DLG2: variants seen among roughly 807,000 people sequenced by gnomAD.
DLG2 encodes disks large homolog 2.
Under a neutral mutation model 132.5 loss-of-function variants are expected in DLG2, and 45 were observed. That is an observed-to-expected ratio of 0.34 (90% CI 0.27 to 0.44). The LOEUF (loss-of-function observed/expected upper bound fraction) is 0.44, where lower values mean the gene tolerates loss of function less well. DLG2 is among the 20% of genes least tolerant of loss of function. The probability of loss-of-function intolerance (pLI) is 1.00; values close to 1 mark genes in which losing one functional copy is unlikely to be tolerated. For missense variants in DLG2, 1,045 were observed against 1,196.9 expected, an observed-to-expected ratio of 0.87 and a Z score of 1.87; for synonymous variants, 424 against 419.6, an observed-to-expected ratio of 1.01 and a Z score of -0.13.
At chr11:84,220,975 T>C (rs1220261201) in intron 8 of DLG2, among the ~76,000 whole-genome samples, 2 of 148,914 alleles carry the variant, frequency 1.3e-5, no homozygotes, top group South Asian at 4.3e-4. Context: ...TTTTTTTACT[T>C]TTTTTTTTGG....
At chr11:83,758,176 T>C (rs1273460790) in intron 18 of DLG2, among the ~76,000 whole-genome samples, 1 of 152,214 alleles carries the variant, frequency 6.6e-6, no homozygotes, top group Non-Finnish European at 1.5e-5. Flanking sequence ...CCAACAACTC[T>C]GTGTGCCTCT....
intron 2 of DLG2, among the ~76,000 whole-genome samples, chr11:85,604,553 G>T (rs531673273): frequency 6.6e-6 from 1 of 151,968 alleles, no homozygotes; most frequent in South Asian, 2.1e-4. Flanking sequence ...TAACCAAGTG[G>T]AGAATTTTTC....
At chr11:85,251,489 C>T (rs1034697495) in intron 4 of DLG2, among the ~76,000 whole-genome samples, 12 of 151,986 alleles carry the variant, frequency 7.9e-5, no homozygotes, top group African/African-American at 2.2e-4. Context: ...ATAATGCATA[C>T]GTGAAAAACT....
intron 6 of DLG2, chr11:84,640,382 T>C (rs566118824): frequency 2.6e-6 from 1 of 378,200 alleles, no homozygotes; most frequent in Admixed American, 3.9e-5. Context: ...GGCCAAATGT[T>C]GCTTGTTTGG....
intron 9 of DLG2, among the ~76,000 whole-genome samples, chr11:84,121,596 C>T (rs1409522919): frequency 9.3e-6 from 1 of 107,590 alleles, no homozygotes; most frequent in African/African-American, 3.6e-5. Context: ...GAGTCTCGCT[C>T]TGTGGCCCAG....
chr11:83,793,716 C>T (rs891125412), intron 17 of DLG2, among the ~76,000 whole-genome samples: 1 of 152,044 alleles, frequency 6.6e-6, no homozygotes, highest in African/African-American at 2.4e-5. Flanking sequence ...AATGAGTATA[C>T]CTACCTACCT....
At chr11:84,151,821 A>T (rs762907840) in intron 9 of DLG2, among the ~76,000 whole-genome samples, 1 of 152,206 alleles carries the variant, frequency 6.6e-6, no homozygotes, top group Non-Finnish European at 1.5e-5. Context: ...ATTCAGGAAT[A>T]AGTTGTTTAA....
At chr11:83,948,436 C>T (rs1038606961) in intron 14 of DLG2, among the ~76,000 whole-genome samples, 1 of 152,092 alleles carries the variant, frequency 6.6e-6, no homozygotes, top group African/African-American at 2.4e-5. Context: ...GGACTGACTC[C>T]CCACCCAGCA....
At chr11:83,499,661 T>A (rs1320227541) in intron 21 of DLG2, among the ~76,000 whole-genome samples, 1 of 150,600 alleles carries the variant, frequency 6.6e-6, no homozygotes, top group Non-Finnish European at 1.5e-5. Flanking sequence ...CCCTCGAACA[T>A]CAGACTCAAA....
chr11:84,631,426 A>G (rs1353439167), intron 6 of DLG2, among the ~76,000 whole-genome samples: 1 of 152,172 alleles, frequency 6.6e-6, no homozygotes, highest in Non-Finnish European at 1.5e-5. Context: ...AGAGAAAATG[A>G]TTTAAGATTT....
chr11:85,464,284 C>T (rs1468603134), intron 3 of DLG2, among the ~76,000 whole-genome samples: 10 of 152,170 alleles, frequency 6.6e-5, no homozygotes, highest in Non-Finnish European at 1.3e-4. Context: ...CACAGCATTG[C>T]ATGAGAGAGA....
At chr11:83,733,580 A>G (rs2091401381) in intron 18 of DLG2, among the ~76,000 whole-genome samples, 1 of 152,168 alleles carries the variant, frequency 6.6e-6, no homozygotes, top group Non-Finnish European at 1.5e-5. Flanking sequence ...TAGTCCCTCT[A>G]ATGTCTTGTT....
chr11:84,199,183 T>C (rs1426521206), intron 8 of DLG2, among the ~76,000 whole-genome samples: 1 of 152,166 alleles, frequency 6.6e-6, no homozygotes, highest in Non-Finnish European at 1.5e-5. Flanking sequence ...TAGAAAGCTT[T>C]GAATCTAGGC....
intron 3 of DLG2, among the ~76,000 whole-genome samples, chr11:85,465,509 T>G (rs1468526754): frequency 6.6e-6 from 1 of 151,816 alleles, no homozygotes; most frequent in Non-Finnish European, 1.5e-5. Context: ...CCTGTGTCCA[T>G]GTGTTCTCAT....
chr11:83,825,975 G>A (rs903252319), intron 17 of DLG2, among the ~76,000 whole-genome samples: 3 of 152,186 alleles, frequency 2.0e-5, no homozygotes, highest in African/African-American at 7.2e-5. Context: ...GCATCAGTGA[G>A]AGTAGGGGAA....
In DLG2 at chr11:84,703,866, A is replaced by ATATATATATATATATATATATATATATG. The variant is rs1356758303; in HGVS notation, c.358-169136_358-169135insCATATATATATATATATATATATATATA. 1.2e-4 allele frequency among the ~76,000 whole-genome samples: 14 copies of ATATATATATATATATATATATATATATG among 118,362 alleles called. 1 individual carries two copies. Among genetic ancestry groups the ATATATATATATATATATATATATATATG allele is most frequent in the African/African-American group, 6.2e-4 (14 of 22,420 alleles). 77.7% of individuals were successfully genotyped at this position (118,362 alleles called of 152,430 possible). On this transcript the variant is annotated intron_variant, in intron 6 of 27. Transcript: ENST00000376104. ...AAAACTATGTAGTGAAGATATATAT[A>ATATATATATATATATATATATATATATG]TATATATATATATATATACACGTGT... is the stretch of plus-strand genomic sequence containing the variant.
intron 2 of DLG2, chr11:85,625,319 T>C (rs2081975414): frequency 6.6e-6 from 1 of 152,218 alleles, no homozygotes; most frequent in South Asian, 2.1e-4. Flanking sequence ...ATATCATTTA[T>C]TGGCTACATT....
chr11:85,511,094 C>T (rs1021747158), intron 3 of DLG2, among the ~76,000 whole-genome samples: 1 of 151,958 alleles, frequency 6.6e-6, no homozygotes, highest in African/African-American at 2.4e-5. Context: ...AAGCTGGAAA[C>T]CATCATTCTC....
intron 18 of DLG2, among the ~76,000 whole-genome samples, chr11:83,656,917 T>TC (rs1233167574): frequency 6.6e-6 from 1 of 152,050 alleles, no homozygotes; most frequent in Non-Finnish European, 1.5e-5. Context: ...AGGTGGAACC[T>TC]CCAATAGTCA....
Sources: allele counts gnomAD v4.1 joint callset (sites outside exome capture counted in the v4.1 genomes callset), GRCh38; gene constraint gnomAD v4.1.1; transcripts MANE v1.5; gene names NCBI Gene and HGNC (gene_info 2026-07-23, HGNC 2026-07-21).